The following CD163L1 variants were observed in gnomAD, a reference collection of about 807,000 sequenced individuals.
The protein encoded by CD163L1 is CD163 molecule like 1, also known as scavenger receptor cysteine-rich type 1 protein M160.
In CD163L1, 124 loss-of-function variants were observed where a neutral mutation model predicts 165.4. The observed-to-expected ratio is 0.75, with a 90% CI of 0.65 to 0.87. The LOEUF (loss-of-function observed/expected upper bound fraction) is 0.87, where lower values mean the gene tolerates loss of function less well. CD163L1 is among the 40% of genes least tolerant of loss of function. The pLI, the probability that CD163L1 is intolerant of heterozygous loss-of-function variation, is 0.00. For synonymous variants in CD163L1, 585 were observed against 662.2 expected, an observed-to-expected ratio of 0.88 and a Z score of 1.79; for missense variants, 1,525 against 1,799.9, an observed-to-expected ratio of 0.85 and a Z score of 2.76.
chr12:7,345,691 G>C (rs1229574354), downstream of CD163L1, among the ~76,000 whole-genome samples: 1 of 152,182 alleles, frequency 6.6e-6, no homozygotes, highest in Non-Finnish European at 1.5e-5. Context: ...GGCTGTTCTT[G>C]TGTTGCTACA....
chr12:7,323,552 A>G, the CD163L1 span: 14 of 1,612,614 alleles, frequency 8.7e-6, no homozygotes, highest in Non-Finnish European at 1.2e-5. Context: ...TTTCTTCTCT[A>G]AATATGTGGT....
intron 8 of CD163L1, 105 bp downstream of exon 8, chr12:7,395,990 T>A: frequency 1.2e-6 from 1 of 810,852 alleles, no homozygotes. Flanking sequence ...TCTAAAAAAG[T>A]GAGCAATGAG....
At chr12:7,335,624 A>T in the CD163L1 span, among the ~76,000 whole-genome samples, 1 of 152,204 alleles carries the variant, frequency 6.6e-6, no homozygotes, top group Non-Finnish European at 1.5e-5. Flanking sequence ...TAAAACACCA[A>T]AAGCAATGGC....
rs772519492 is a variant in CD163L1 at position 7,396,052 on chromosome 12, C to T, written c.2050+43G>A. 5.3e-6 allele frequency: 8 copies of T among 1,513,952 alleles called. No individual in the cohort carries two copies. In the South Asian group the frequency reaches 7.6e-5, roughly 14 times the overall value. 93.8% of individuals were successfully genotyped at this position (1,513,952 alleles called of 1,614,324 possible). On this transcript the variant is annotated intron_variant, in intron 8 of 19. Coordinates refer to ENST00000313599, the MANE Select transcript of CD163L1 (RefSeq NM_174941.6). ...GAAGAAAGAAGGTATGTTAGAGAACCCAGGCAGTTTCTTTTAAGGAAGCCC... is the reference window on the plus strand; with the variant it reads ...GAAGAAAGAAGGTATGTTAGAGAACTCAGGCAGTTTCTTTTAAGGAAGCCC...
At chr12:7,375,661 C>T (rs1289513802) in intron 10 of CD163L1, 39 bp downstream of exon 10, 1 of 1,611,702 alleles carries the variant, frequency 6.2e-7, no homozygotes. Flanking sequence ...AACTCCCCAT[C>T]TCTAGCCCCA....
At position 7,379,045 on chromosome 12, in the gene CD163L1, A is replaced by C. The variant is rs752037443; in HGVS notation, c.2304T>G (p.Asp768Glu). The C allele has an allele frequency of 1.9e-6, 3 of 1,614,152 alleles. No homozygotes were observed. Among genetic ancestry groups the C allele is most frequent in the Non-Finnish European group, 2.5e-6 (3 of 1,179,996 alleles). The change falls in exon 9 of 20, where the codon GAT becomes GAG. Residue 768 changes from aspartate (D) to glutamate (E), a missense_variant. By Grantham distance (45) the Asp-to-Glu change is conservative. Transcript: ENST00000313599. Reference sequence around the variant, plus strand: ...TCTGTTTCCACTCCCATCGTATACAATCCCAGAGAGAGGCTTCCCCTCCAG... The same window carrying C: ...TCTGTTTCCACTCCCATCGTATACACTCCCAGAGAGAGGCTTCCCCTCCAG... Reference protein sequence around the residue: ...GCTGGEASLWDCIRWEWKQTA... With the variant: ...GCTGGEASLWECIRWEWKQTA...
the CD163L1 span, among the ~76,000 whole-genome samples, chr12:7,339,496 T>C: frequency 6.6e-6 from 1 of 152,174 alleles, no homozygotes; most frequent in African/African-American, 2.4e-5. Flanking sequence ...TAAGTATTCT[T>C]TGCCCTTCAC....
chr12:7,333,684 A>T, the CD163L1 span, among the ~76,000 whole-genome samples: 1 of 152,220 alleles, frequency 6.6e-6, no homozygotes, highest in African/African-American at 2.4e-5. Flanking sequence ...ACCCTTAAAA[A>T]ATCAGTGAAT....
downstream of CD163L1, among the ~76,000 whole-genome samples, chr12:7,353,471 C>T (rs892280866): frequency 6.6e-6 from 1 of 151,916 alleles, no homozygotes; most frequent in Non-Finnish European, 1.5e-5. Flanking sequence ...TATCTAGATA[C>T]CATCAAGCTG....
intron 8 of CD163L1, among the ~76,000 whole-genome samples, chr12:7,394,578 C>T (rs1316146397): frequency 6.6e-6 from 1 of 151,982 alleles, no homozygotes; most frequent in East Asian, 1.9e-4. Flanking sequence ...GCAACAAAAG[C>T]CAAAATTGAC....
chr12:7,323,696 C>T, the CD163L1 span: 1 of 751,382 alleles, frequency 1.3e-6, no homozygotes, highest in Non-Finnish European at 2.2e-6. Flanking sequence ...TATCATCTGT[C>T]ACCCAAGAGT....
intron 19 of CD163L1, 126 bp from the exon 20 acceptor site, chr12:7,355,256 T>C (rs1300790460): frequency 6.6e-6 from 1 of 152,236 alleles, no homozygotes; most frequent in East Asian, 1.9e-4. Context: ...CCACAAAGAA[T>C]TGATCAATTA....
At chr12:7,367,053 T>C (rs924859523) in intron 18 of CD163L1, among the ~76,000 whole-genome samples, 183 bp downstream of exon 18, 1 of 152,224 alleles carries the variant, frequency 6.6e-6, no homozygotes, top group African/African-American at 2.4e-5. Flanking sequence ...TGAGAATGTA[T>C]ATTCCAGTTT....
At chr12:7,334,850 G>C in the CD163L1 span, among the ~76,000 whole-genome samples, 1 of 152,124 alleles carries the variant, frequency 6.6e-6, no homozygotes, top group Non-Finnish European at 1.5e-5. Context: ...ACCAATAACA[G>C]ACAAACAGAG....
chr12:7,360,212 G>A (rs190712821), intron 18 of CD163L1, among the ~76,000 whole-genome samples: 4 of 151,558 alleles, frequency 2.6e-5, no homozygotes, highest in African/African-American at 4.8e-5. Flanking sequence ...GTGCGATTTC[G>A]GCTCACTGCA....
rs191367570 is a variant in CD163L1, at chr12:7,437,967, T to C, written c.124+3187A>G. On this transcript the variant is annotated intron_variant, in intron 2 of 19. Coordinates refer to ENST00000313599, the MANE Select transcript of CD163L1 (RefSeq NM_174941.6). ...TCTTAACCAATCATGACTATTTTACTTCTCCATGTTCCCCCTTCTGGTCCT... is the reference window on the plus strand; with the variant it reads ...TCTTAACCAATCATGACTATTTTACCTCTCCATGTTCCCCCTTCTGGTCCT... Among the ~76,000 whole-genome samples the C allele has an allele frequency of 7.3e-3, 1,105 of 152,222 alleles. 11 individuals are homozygous for C. Among genetic ancestry groups the C allele is most frequent in the African/African-American group, 0.025 (1,049 of 41,530 alleles).
downstream of CD163L1, among the ~76,000 whole-genome samples, chr12:7,345,416 C>A (rs887973684): frequency 6.6e-6 from 1 of 152,114 alleles, no homozygotes; most frequent in Non-Finnish European, 1.5e-5. Flanking sequence ...TGTGAGTAAC[C>A]TTTACTCCAG....
At chr12:7,340,604 G>T in the CD163L1 span, among the ~76,000 whole-genome samples, 1 of 152,070 alleles carries the variant, frequency 6.6e-6, no homozygotes, top group Non-Finnish European at 1.5e-5. Context: ...TTGTTCCTGA[G>T]ACTGTTGTTT....
Position 7,403,862 on chromosome 12 carries a change from T to G in CD163L1, c.1088-7A>C. 6.2e-7 allele frequency: 1 copy of G among 1,610,272 alleles called. No homozygotes were observed. Among genetic ancestry groups the G allele is most frequent in the Non-Finnish European group, 8.5e-7 (1 of 1,177,806 alleles). On this transcript the variant is annotated splice_region_variant and splice_polypyrimidine_tract_variant and intron_variant, in intron 5 of 19. Coordinates refer to ENST00000313599, the MANE Select transcript of CD163L1 (RefSeq NM_174941.6). ...AGTTCCAAATCTGCTCCATCTAGGA[T>G]GAAGTCACAGAGAAACGTCTGAATT...
Sources: gnomAD v4.1 joint callset for allele counts (sites outside exome capture counted in the v4.1 genomes callset) on GRCh38, gnomAD v4.1.1 for gene constraint, MANE v1.5 for transcripts, NCBI Gene and HGNC (gene_info 2026-07-23, HGNC 2026-07-21) for gene names.